UBA6: variants seen among roughly 807,000 people sequenced by gnomAD.
UBA6 encodes the protein ubiquitin like modifier activating enzyme 6, also known as ubiquitin-like modifier-activating enzyme 6.
Under a neutral mutation model 148.3 loss-of-function variants are expected in UBA6, and 87 were observed. The ratio of observed to expected loss-of-function variants is 0.59; its 90% confidence interval spans 0.49 to 0.70. The LOEUF (loss-of-function observed/expected upper bound fraction) is 0.70, where lower values mean the gene tolerates loss of function less well. Among genes scored for constraint, UBA6 ranks in the 30% least tolerant of loss-of-function variants. The pLI is 0.00. For missense variants in UBA6, 1,186 were observed against 1,241.2 expected (o/e 0.96, Z 0.67); for synonymous variants, 376 against 401.0 (o/e 0.94, Z 0.75).
intron 30 of UBA6, among the ~76,000 whole-genome samples, chr4:67,623,778 A>G (rs184709524): frequency 1.8e-4 from 27 of 152,166 alleles, no homozygotes; most frequent in African/African-American, 6.0e-4. Flanking sequence ...TCTGAAAACT[A>G]AAAAGTACAG....
chr4:67,688,289 G>T (rs1225175882), intron 2 of UBA6, among the ~76,000 whole-genome samples: 1 of 152,110 alleles, frequency 6.6e-6, no homozygotes. Flanking sequence ...AGAAAACCAA[G>T]CCTGGAGTCC....
intron 2 of UBA6, among the ~76,000 whole-genome samples, chr4:67,688,240 T>A (rs981464304): frequency 2.0e-5 from 3 of 152,194 alleles, no homozygotes; most frequent in Non-Finnish European, 4.4e-5. Flanking sequence ...GAATCAGCCT[T>A]AATCACATTC....
Position 67,621,225 on chromosome 4 carries a change from C to T in UBA6, c.3023+1606G>A, listed in dbSNP as rs140054818. On this transcript the variant is annotated intron_variant, in intron 32 of 32. Transcript: ENST00000322244. ...AAAAATAATATAAGGCAAATTAATG[C>T]CTTAGCTAATAAAATAGTAGTTTTA... 2.0e-4 allele frequency among the ~76,000 whole-genome samples: 31 copies of T among 152,220 alleles called. No individual in the cohort carries two copies. The East Asian group carries it at 4.8e-3, about 24-fold the overall frequency.
chr4:67,683,609 G>A (rs529467645), intron 2 of UBA6, among the ~76,000 whole-genome samples: 2 of 149,254 alleles, frequency 1.3e-5, no homozygotes, highest in Non-Finnish European at 3.0e-5. Flanking sequence ...TATCATTACT[G>A]TTAGTGGATT....
chr4:67,623,049 A>G (rs1371593470), intron 31 of UBA6, 86 bp downstream of exon 31: 11 of 1,342,554 alleles, frequency 8.2e-6, no homozygotes, highest in Non-Finnish European at 1.1e-5. Flanking sequence ...GTAAATAATT[A>G]TAACTTCCAA....
intron 7 of UBA6, 152 bp downstream of exon 7, chr4:67,673,545 A>T (rs1730201662): frequency 4.7e-6 from 2 of 426,076 alleles, no homozygotes; most frequent in South Asian, 8.8e-5. Context: ...AGTTTTAAAA[A>T]CAGGAAATGA....
chr4:67,664,059 A>G (rs1163977989), intron 10 of UBA6, 112 bp from the exon 11 acceptor site: 1 of 745,268 alleles, frequency 1.3e-6, no homozygotes, highest in Admixed American at 2.7e-5. Context: ...AGGGTCTGAA[A>G]TAAAGTAGGG....
At chr4:67,681,415 T>C (rs1008105988) in intron 4 of UBA6, 148 bp downstream of exon 4, 42 of 534,990 alleles carry the variant, frequency 7.9e-5, no homozygotes, top group Non-Finnish European at 1.3e-4. Flanking sequence ...AATTCTTTCT[T>C]TGTATATTTT....
intron 12 of UBA6, chr4:67,662,833 GT>G: frequency 2.7e-5 from 6 of 223,900 alleles, no homozygotes; most frequent in South Asian, 1.0e-4. Context: ...AGGATATAAA[GT>G]TAAAAAAAAA....
At chr4:67,633,655 G>A (rs1462328470) in intron 22 of UBA6, among the ~76,000 whole-genome samples, 182 bp from the exon 23 acceptor site, 1 of 151,976 alleles carries the variant, frequency 6.6e-6, no homozygotes, top group Non-Finnish European at 1.5e-5. Flanking sequence ...TGTTTGAGAA[G>A]GGGAATGGTA....
chr4:67,639,018 T>C lies in UBA6; in HGVS notation c.1661A>G (p.Asn554Ser), dbSNP rs746227548. ...KVCPTTETIY[N>S]DEFYTKQDVI... ...ATCTTGTTTAGTATAGAACTCATCA[T>C]TGTAAATGGTCTCAGTGGTTGGACA... is the stretch of plus-strand genomic sequence containing the variant. The change falls in exon 19 of 33, where the codon AAT (asparagine) becomes AGT (serine). Residue 554 changes from asparagine (N) to serine (S), a missense_variant. Transcript: ENST00000322244. The C allele has an allele frequency of 3.2e-5, 51 of 1,612,984 alleles. No homozygotes were observed. The highest frequency in any genetic ancestry group is 4.0e-5 in the African/African-American group (3 of 74,926).
intron 32 of UBA6, among the ~76,000 whole-genome samples, chr4:67,622,463 T>C (rs1728772865): frequency 6.6e-6 from 1 of 152,208 alleles, no homozygotes; most frequent in African/African-American, 2.4e-5. Flanking sequence ...CCCTAATGAC[T>C]AGAATAGTAC....
chr4:67,686,344 T>C (rs1179414818), intron 2 of UBA6, among the ~76,000 whole-genome samples: 1 of 152,168 alleles, frequency 6.6e-6, no homozygotes, highest in Non-Finnish European at 1.5e-5. Context: ...ATTCCAAGCA[T>C]AACATCATTT....
intron 10 of UBA6, among the ~76,000 whole-genome samples, chr4:67,664,789 TA>T (rs1344596419): frequency 2.0e-5 from 3 of 152,284 alleles, no homozygotes; most frequent in Admixed American, 2.0e-4. Flanking sequence ...ATCTTCATTT[TA>T]GAAAATTAAA....
chr4:67,694,336 A>G (rs1409839602), intron 2 of UBA6, among the ~76,000 whole-genome samples: 2 of 149,650 alleles, frequency 1.3e-5, no homozygotes, highest in African/African-American at 4.9e-5. Flanking sequence ...ATCTAAGAAA[A>G]TAAGAGCTGG....
intron 1 of UBA6, among the ~76,000 whole-genome samples, chr4:67,698,277 T>C (rs562382146): frequency 2.0e-5 from 3 of 152,314 alleles, no homozygotes; most frequent in Admixed American, 1.3e-4. Flanking sequence ...CCTGTCAGTT[T>C]CTTCAAATCA....
intron 25 of UBA6, 73 bp downstream of exon 25, chr4:67,631,635 A>C (rs1437787783): frequency 9.0e-6 from 10 of 1,116,012 alleles, no homozygotes; most frequent in Non-Finnish European, 1.3e-5. Context: ...TTCACTCTGC[A>C]ATGTACAGTT....
intron 9 of UBA6, among the ~76,000 whole-genome samples, chr4:67,668,219 T>C (rs17088555): frequency 2.0e-5 from 3 of 152,310 alleles, no homozygotes; most frequent in Admixed American, 6.5e-5. Context: ...CTGTCTTGCA[T>C]CTGCGCCTTT....
chr4:67,647,503 G>T (rs918520719), intron 14 of UBA6, among the ~76,000 whole-genome samples: 1 of 151,814 alleles, frequency 6.6e-6, no homozygotes, highest in Non-Finnish European at 1.5e-5. Context: ...TTTCAGCTTG[G>T]ATATATAATC....
Sources: allele counts gnomAD v4.1 joint callset (sites outside exome capture counted in the v4.1 genomes callset), GRCh38; gene constraint gnomAD v4.1.1; transcripts MANE v1.5; gene names NCBI Gene and HGNC (gene_info 2026-07-23, HGNC 2026-07-21).